The following LPP variants were observed in gnomAD, a reference collection of about 807,000 sequenced individuals.
LPP encodes lipoma-preferred partner.
In LPP, 38 loss-of-function variants were observed where a neutral mutation model predicts 60.4. That is an observed-to-expected ratio of 0.63 (90% CI 0.49 to 0.83). The LOEUF (loss-of-function observed/expected upper bound fraction) is 0.83, where lower values mean the gene tolerates loss of function less well. LPP is among the 40% of genes least tolerant of loss of function. The pLI, the probability that LPP is intolerant of heterozygous loss-of-function variation, is 0.00. For synonymous variants in LPP, 328 were observed against 290.8 expected (o/e 1.13, Z -1.30); for missense variants, 902 against 783.6 (o/e 1.15, Z -1.80).
At chr3:188,316,068 G>A (rs948016435) in intron 2 of LPP, among the ~76,000 whole-genome samples, 2 of 152,226 alleles carry the variant, frequency 1.3e-5, no homozygotes, top group African/African-American at 4.8e-5. Flanking sequence ...GAGGTCAGGA[G>A]TTTAAGACCA....
chr3:188,731,504 A>AT lies in LPP; in HGVS notation c.1240+23118dup, dbSNP rs1418969728. 6.4e-3 allele frequency among the ~76,000 whole-genome samples: 239 copies of AT among 37,384 alleles called. 1 individual carries two copies. Among genetic ancestry groups the AT allele is most frequent in the African/African-American group, 0.022 (227 of 10,466 alleles). The allele number at this position is 37,384 out of a possible 152,430, so 24.5% of individuals were successfully genotyped here. On this transcript the variant is annotated intron_variant, in intron 8 of 11. Transcript: ENST00000617246. ...ATTGGTCATTTTTGTCTAATCTTTT[A>AT]TTTTTTTGTTTTTTTTGTTTTGTTT...
At position 188,609,315 on chromosome 3, in the gene LPP, C is replaced by T; in HGVS notation, c.584C>T (p.Pro195Leu). 1.2e-6 allele frequency: 2 copies of T among 1,614,088 alleles called. No individual in the cohort carries two copies. Among genetic ancestry groups the T allele is most frequent in the East Asian group, 2.2e-5 (1 of 44,860 alleles). Reference sequence around the variant, plus strand: ...CAGGCTGGACCCATCCCTGTGGCTCCAATCGGAACACTCAAACCCCAGCCT... The same window carrying T: ...CAGGCTGGACCCATCCCTGTGGCTCTAATCGGAACACTCAAACCCCAGCCT... ...APQAGPIPVAPIGTLKPQPQP... is the reference protein window; with the variant it reads ...APQAGPIPVALIGTLKPQPQP... Residue 195 changes from proline to leucine, a missense_variant, in exon 7 of 12, where the codon CCA becomes CTA. Transcript: ENST00000617246. This position sits in a 1 kb window ranked among gnomAD's most constrained non-coding sequence, Gnocchi z 6.9.
chr3:188,213,833 A>T (rs988860376), intron 1 of LPP, among the ~76,000 whole-genome samples: 2 of 152,082 alleles, frequency 1.3e-5, no homozygotes, highest in South Asian at 2.1e-4. Context: ...AGTGAAAATT[A>T]TGCAATTTTC....
intron 2 of LPP, among the ~76,000 whole-genome samples, chr3:188,283,893 CT>C (rs1290957408): frequency 6.6e-6 from 1 of 152,044 alleles, no homozygotes; most frequent in East Asian, 1.9e-4. Context: ...AGGAGAATCG[CT>C]TGAACCCAGG....
At chr3:188,516,498 T>A (rs762971923) in intron 5 of LPP, among the ~76,000 whole-genome samples, 32 of 151,966 alleles carry the variant, frequency 2.1e-4, no homozygotes, top group Non-Finnish European at 2.4e-4. Flanking sequence ...GGTGTGTCAA[T>A]TGGTATTTTC....
At chr3:188,555,990 G>A (rs925655408) in intron 6 of LPP, among the ~76,000 whole-genome samples, 7 of 152,216 alleles carry the variant, frequency 4.6e-5, no homozygotes, top group African/African-American at 1.7e-4. Context: ...GAGGTAGGAG[G>A]AAATGCAAAG....
At chr3:188,313,814 C>T (rs941387519) in intron 2 of LPP, among the ~76,000 whole-genome samples, 14 of 152,208 alleles carry the variant, frequency 9.2e-5, no homozygotes, top group African/African-American at 2.9e-4. Context: ...CCCAGGAGCA[C>T]TGAGATTTTT....
intron 2 of LPP, among the ~76,000 whole-genome samples, chr3:188,226,444 A>AAGGAGAATTGTGACC (rs1423980131): frequency 6.6e-6 from 1 of 152,172 alleles, no homozygotes; most frequent in East Asian, 1.9e-4. Context: ...TGTGCTCAGA[A>AAGGAGAATTGTGACC]AGGAGAATTG....
At chr3:188,181,732 A>C (rs996303251) in intron 1 of LPP, among the ~76,000 whole-genome samples, 7 of 152,200 alleles carry the variant, frequency 4.6e-5, no homozygotes, top group Admixed American at 4.6e-4. Flanking sequence ...TTAATTGGTT[A>C]CTTTTTAGAG....
chr3:188,858,780 G>A (rs866636415), intron 9 of LPP, among the ~76,000 whole-genome samples: 14 of 152,172 alleles, frequency 9.2e-5, no homozygotes, highest in Middle Eastern at 6.8e-3. Context: ...CATAGGTTTT[G>A]TCTGTGCTAG....
At chr3:188,257,980 TG>T (rs1732228144) in intron 2 of LPP, among the ~76,000 whole-genome samples, 1 of 152,238 alleles carries the variant, frequency 6.6e-6, no homozygotes, top group African/African-American at 2.4e-5. Context: ...TACTTTCACC[TG>T]TACTATTACA....
In LPP at chr3:188,609,067, C is replaced by T; in HGVS notation, c.430-94C>T. 1.1e-6 allele frequency: 1 copy of T among 875,268 alleles called. No homozygotes were observed. 54.2% of individuals were successfully genotyped at this position (875,268 alleles called of 1,614,324 possible). On this transcript the variant is annotated intron_variant, in intron 6 of 11. Coordinates refer to ENST00000617246, the MANE Select transcript of LPP (RefSeq NM_001375462.1). The surrounding 1 kb of genome is among the most constrained non-coding windows in gnomAD (Gnocchi z 6.9). The stretch of plus-strand genomic sequence containing the variant: ...CTACATAGTAATAAATAATAATTAG[C>T]AGTTATTAATATTTTTCATTTATTC...
intron 7 of LPP, among the ~76,000 whole-genome samples, chr3:188,684,122 G>T (rs192438290): frequency 6.6e-6 from 1 of 152,278 alleles, no homozygotes; most frequent in East Asian, 1.9e-4. Flanking sequence ...CATTCTTACT[G>T]CACTGAGTTG....
At chr3:188,281,090 T>C (rs1253579388) in intron 2 of LPP, among the ~76,000 whole-genome samples, 1 of 151,964 alleles carries the variant, frequency 6.6e-6, no homozygotes, top group Non-Finnish European at 1.5e-5. Context: ...GACAAAGGAA[T>C]TTTTGAAGAC....
At chr3:188,171,410 A>G (rs907136711) in intron 1 of LPP, among the ~76,000 whole-genome samples, 20 of 152,228 alleles carry the variant, frequency 1.3e-4, no homozygotes, top group African/African-American at 4.6e-4. Context: ...TACACCCTCA[A>G]TGCTGTAAAT....
chr3:188,180,568 GTC>G (rs1724650326), intron 1 of LPP: 1 of 154,322 alleles, frequency 6.5e-6, no homozygotes, highest in Admixed American at 6.5e-5. Flanking sequence ...GTAGGACCTA[GTC>G]ATAGTAACAC....
At chr3:188,430,782 T>C (rs1426257) in intron 4 of LPP, among the ~76,000 whole-genome samples, 211 of 152,258 alleles carry the variant, frequency 1.4e-3, no homozygotes, top group Middle Eastern at 6.8e-3. Context: ...TTCAGTAAAG[T>C]TGAAAATGCT....
intron 6 of LPP, among the ~76,000 whole-genome samples, chr3:188,525,260 C>T (rs571422371): frequency 2.0e-5 from 3 of 152,216 alleles, no homozygotes; most frequent in East Asian, 3.9e-4. Context: ...CCACCATGCC[C>T]GGCCCTTTTA....
intron 5 of LPP, among the ~76,000 whole-genome samples, chr3:188,488,615 CAGTT>C (rs1276936533): frequency 4.2e-5 from 6 of 144,412 alleles, no homozygotes; most frequent in African/African-American, 1.5e-4. Flanking sequence ...TTGGGACGGT[CAGTT>C]AGTTTTATTT....
Sources: allele counts gnomAD v4.1 joint callset (sites outside exome capture counted in the v4.1 genomes callset), GRCh38; gene constraint gnomAD v4.1.1; non-coding constraint Gnocchi (gnomAD v3.1); transcripts MANE v1.5; gene names NCBI Gene and HGNC (gene_info 2026-07-23, HGNC 2026-07-21).